The following CA10 variants were observed in gnomAD, a reference collection of about 807,000 sequenced individuals.
The protein encoded by CA10 is carbonic anhydrase 10 (inactive), also known as carbonic anhydrase-related protein 10.
In CA10, 14 loss-of-function variants were observed where a neutral mutation model predicts 44.2. The ratio of observed to expected loss-of-function variants is 0.32; its 90% confidence interval spans 0.21 to 0.50. CA10 has a LOEUF of 0.50. Among genes scored for constraint, CA10 ranks in the 20% least tolerant of loss-of-function variants. The pLI is 0.99. For synonymous variants in CA10, 159 were observed against 141.6 expected, an observed-to-expected ratio of 1.12 and a Z score of -0.87; for missense variants, 350 against 409.7, an observed-to-expected ratio of 0.85 and a Z score of 1.26.
intron 3 of CA10, among the ~76,000 whole-genome samples, chr17:51,879,466 C>G (rs371771837): frequency 1.3e-5 from 2 of 152,154 alleles, no homozygotes; most frequent in South Asian, 2.1e-4. Context: ...GATCCCCATT[C>G]AAGACAGTGG....
chr17:51,864,180 G>A (rs1213081364), intron 3 of CA10, among the ~76,000 whole-genome samples: 1 of 152,126 alleles, frequency 6.6e-6, no homozygotes, highest in Non-Finnish European at 1.5e-5. Flanking sequence ...GGAAAACAGA[G>A]ACATTCCTAT....
At chr17:51,967,008 C>T (rs1043479538) in intron 2 of CA10, among the ~76,000 whole-genome samples, 1 of 151,550 alleles carries the variant, frequency 6.6e-6, no homozygotes, top group African/African-American at 2.4e-5. Flanking sequence ...AACAACTCAA[C>T]AAGCCAAAAC....
At chr17:51,787,121 G>A (rs928427443) in intron 3 of CA10, among the ~76,000 whole-genome samples, 2 of 152,164 alleles carry the variant, frequency 1.3e-5, no homozygotes, top group African/African-American at 2.4e-5. Flanking sequence ...TAGGGATATC[G>A]GCCTGCAGTT....
At chr17:52,066,896 T>A (rs1340050188) in intron 2 of CA10, among the ~76,000 whole-genome samples, 2 of 152,162 alleles carry the variant, frequency 1.3e-5, no homozygotes, top group East Asian at 3.8e-4. Context: ...CCATTCAAGA[T>A]GTGACTTGGG....
At chr17:51,677,276 C>T (rs184480053) in intron 4 of CA10, among the ~76,000 whole-genome samples, 6 of 152,182 alleles carry the variant, frequency 3.9e-5, no homozygotes, top group East Asian at 1.9e-4. Context: ...ATCATGTGGG[C>T]GGAGTTCTCA....
chr17:51,795,298 T>C (rs903861942), intron 3 of CA10, among the ~76,000 whole-genome samples: 1 of 152,160 alleles, frequency 6.6e-6, no homozygotes, highest in African/African-American at 2.4e-5. Context: ...AGGACCAACA[T>C]TCGAAATGAT....
Position 51,631,399 on chromosome 17 carries a change from T to C in CA10, c.*185A>G, listed in dbSNP as rs981036347. 1.3e-5 allele frequency: 9 copies of C among 678,342 alleles called. No homozygotes were observed. The East Asian group carries it at 1.8e-4, about 13-fold the overall frequency. The allele number at this position is 678,342 out of a possible 1,614,324, so 42.0% of individuals were successfully genotyped here. On this transcript the variant is annotated 3_prime_UTR_variant, in exon 9 of 9. Transcript: ENST00000451037. Reference sequence around the variant, plus strand: ...GTGCTTGTGTGTGTGTTTGTGAGTATGTGTGAGAGATGTATTCCTCTGCCA... The same window carrying C: ...GTGCTTGTGTGTGTGTTTGTGAGTACGTGTGAGAGATGTATTCCTCTGCCA...
chr17:51,984,166 C>A (rs1225071187), intron 2 of CA10, among the ~76,000 whole-genome samples: 1 of 151,668 alleles, frequency 6.6e-6, no homozygotes, highest in Non-Finnish European at 1.5e-5. Flanking sequence ...TCTATACAAT[C>A]TCACAGAATA....
chr17:51,841,197 C>T (rs1368600362), intron 3 of CA10, among the ~76,000 whole-genome samples: 1 of 152,184 alleles, frequency 6.6e-6, no homozygotes, highest in Non-Finnish European at 1.5e-5. Flanking sequence ...CCCTCCCACA[C>T]CACCCTTAAG....
intron 2 of CA10, among the ~76,000 whole-genome samples, chr17:51,969,702 G>T (rs545901586): frequency 6.6e-6 from 1 of 151,998 alleles, no homozygotes; most frequent in East Asian, 1.9e-4. Context: ...CTGTGTGCGA[G>T]GGATTGTGTT....
intron 6 of CA10, among the ~76,000 whole-genome samples, chr17:51,639,158 C>A (rs1912969548): frequency 6.6e-6 from 1 of 152,008 alleles, no homozygotes; most frequent in African/African-American, 2.4e-5. Flanking sequence ...GGTGGTTTGG[C>A]CTGAAGATTA....
intron 3 of CA10, among the ~76,000 whole-genome samples, chr17:51,868,217 G>A (rs1387417565): frequency 6.6e-6 from 1 of 152,064 alleles, no homozygotes; most frequent in Non-Finnish European, 1.5e-5. Flanking sequence ...GGTAATCTCT[G>A]CTACCAGCTG....
chr17:52,063,181 G>A (rs534234856), intron 2 of CA10, among the ~76,000 whole-genome samples: 22 of 152,298 alleles, frequency 1.4e-4, no homozygotes, highest in African/African-American at 4.3e-4. Flanking sequence ...CTTTGTGAAC[G>A]AGAATGTTTA....
chr17:51,856,081 A>G (rs527535750), intron 3 of CA10, among the ~76,000 whole-genome samples: 29 of 152,314 alleles, frequency 1.9e-4, no homozygotes, highest in African/African-American at 6.7e-4. Flanking sequence ...TGAAGAGGGT[A>G]TTAGGAAAGT....
At chr17:52,044,891 TG>T (rs1274126261) in intron 2 of CA10, among the ~76,000 whole-genome samples, 1 of 151,080 alleles carries the variant, frequency 6.6e-6, no homozygotes, top group Non-Finnish European at 1.5e-5. Context: ...GATTGGAAAG[TG>T]GGTGATGGTA....
chr17:52,094,435 G>T (rs924856804), intron 1 of CA10, among the ~76,000 whole-genome samples: 6 of 152,020 alleles, frequency 3.9e-5, no homozygotes, highest in Non-Finnish European at 8.8e-5. Flanking sequence ...TCGTTAGCAG[G>T]ACACTAGGGG....
At chr17:51,782,631 T>C (rs1906107488) in intron 3 of CA10, among the ~76,000 whole-genome samples, 1 of 152,206 alleles carries the variant, frequency 6.6e-6, no homozygotes, top group Admixed American at 6.5e-5. Context: ...TTTCTGATTG[T>C]CCAGCGTCCA....
intron 3 of CA10, among the ~76,000 whole-genome samples, chr17:51,822,646 C>T (rs537962589): frequency 1.3e-5 from 2 of 152,234 alleles, no homozygotes; most frequent in South Asian, 4.1e-4. Context: ...GTGTCTGGCA[C>T]ATAGTAGGTA....
Position 52,080,767 on chromosome 17 carries a change from GTCT to G in CA10, c.62-8377_62-8375del, listed in dbSNP as rs1363243205. ...TCTTTGTCTACTTTTTCTTGACCTG[GTCT>G]TACTCAATTCTCAAAGCCTCTCCAA... is the stretch of plus-strand genomic sequence containing the variant. On this transcript the variant is annotated intron_variant, in intron 1 of 8. Coordinates refer to ENST00000451037, the MANE Select transcript of CA10 (RefSeq NM_020178.5). Among the ~76,000 whole-genome samples the G allele has an allele frequency of 2.0e-5, 3 of 151,912 alleles. No homozygotes were observed. In the East Asian group the frequency reaches 5.8e-4, roughly 30 times the overall value.
Sources: allele counts gnomAD v4.1 joint callset (sites outside exome capture counted in the v4.1 genomes callset), GRCh38; gene constraint gnomAD v4.1.1; transcripts MANE v1.5; gene names NCBI Gene and HGNC (gene_info 2026-07-23, HGNC 2026-07-21).